Variants in CDH18 observed in about 807,000 individuals in gnomAD.
CDH18 encodes the protein cadherin 18.
Under a neutral mutation model 67.9 loss-of-function variants are expected in CDH18, and 31 were observed. The ratio of observed to expected loss-of-function variants is 0.46; its 90% confidence interval spans 0.34 to 0.62. The LOEUF (loss-of-function observed/expected upper bound fraction) is 0.62. Among genes scored for constraint, CDH18 ranks in the 20% least tolerant of loss-of-function variants. The pLI is 0.01. For synonymous variants in CDH18, 362 were observed against 347.2 expected, an observed-to-expected ratio of 1.04 and a Z score of -0.48; for missense variants, 890 against 975.5, an observed-to-expected ratio of 0.91 and a Z score of 1.17.
At chr5:20,375,731 A>G (rs1443669978) in intron 1 of CDH18, among the ~76,000 whole-genome samples, 1 of 152,064 alleles carries the variant, frequency 6.6e-6, no homozygotes, top group Non-Finnish European at 1.5e-5. Context: ...ATTGTGCTCA[A>G]TTTTTATCTA....
At chr5:20,562,468 T>C (rs1320058932) in intron 1 of CDH18, among the ~76,000 whole-genome samples, 4 of 151,726 alleles carry the variant, frequency 2.6e-5, no homozygotes, top group Non-Finnish European at 4.4e-5. Context: ...ATGATATATA[T>C]AAAGGCATGG....
chr5:20,337,028 G>A (rs1052530413), intron 1 of CDH18, among the ~76,000 whole-genome samples: 24 of 152,152 alleles, frequency 1.6e-4, no homozygotes, highest in Admixed American at 6.5e-4. Flanking sequence ...AAAGCCCATA[G>A]AAGACTTCCT....
chr5:19,625,208 C>T (rs1305060276), intron 5 of CDH18, among the ~76,000 whole-genome samples: 5 of 152,136 alleles, frequency 3.3e-5, no homozygotes, highest in Non-Finnish European at 5.9e-5. Flanking sequence ...TATGCCTATC[C>T]TTCTGAGAGA....
At chr5:19,704,773 C>T (rs1561097126) in intron 5 of CDH18, among the ~76,000 whole-genome samples, 2 of 152,068 alleles carry the variant, frequency 1.3e-5, no homozygotes, top group Non-Finnish European at 1.5e-5. Context: ...ACATTTTCCC[C>T]CTGGAATTCT....
At position 19,631,458 on chromosome 5, in the gene CDH18, AT is replaced by A. The variant is rs1200752160; in HGVS notation, c.644-18858del. On this transcript the variant is annotated intron_variant, in intron 5 of 12. Coordinates refer to ENST00000382275, the MANE Select transcript of CDH18 (RefSeq NM_004934.5). ...TCCTACGTTTAAGAAATATATTTTT[AT>A]TTCTTAATCTTTCTATTAAGGTATC... 2.6e-5 allele frequency among the ~76,000 whole-genome samples: 4 copies of A among 152,148 alleles called. No homozygotes were observed. The East Asian group carries it at 7.7e-4, about 29-fold the overall frequency.
At position 19,612,295 on chromosome 5, in the gene CDH18, A is replaced by C. The variant is rs994197048; in HGVS notation, c.811+139T>G. 7 of 734,414 alleles carry C rather than the reference A, an allele frequency of 9.5e-6. No individual in the cohort carries two copies. The African/African-American group carries it at 1.2e-4, about 13-fold the overall frequency. The allele number at this position is 734,414 out of a possible 1,614,324, so 45.5% of individuals were successfully genotyped here. ...GCTGGAGTGATTTCATGAGTCTTAC[A>C]TGAAGAAGGGTGATCATATAGTACA... On this transcript the variant is annotated intron_variant, in intron 6 of 12. Transcript: ENST00000382275.
At chr5:20,089,355 T>C (rs1312217375) in intron 2 of CDH18, among the ~76,000 whole-genome samples, 2 of 152,156 alleles carry the variant, frequency 1.3e-5, no homozygotes, top group Non-Finnish European at 2.9e-5. Flanking sequence ...ACTATGTGTA[T>C]ATCAAGTGAT....
intron 2 of CDH18, among the ~76,000 whole-genome samples, chr5:20,143,162 G>A (rs1274420647): frequency 6.6e-6 from 1 of 152,064 alleles, no homozygotes; most frequent in African/African-American, 2.4e-5. Context: ...TTTAAAGAAT[G>A]TCTAGTCATG....
chr5:20,568,601 T>A (rs555630599), intron 1 of CDH18, among the ~76,000 whole-genome samples: 3 of 147,216 alleles, frequency 2.0e-5, no homozygotes, highest in African/African-American at 7.9e-5. Flanking sequence ...GAGTGGGCAT[T>A]TCAGAATATA....
In CDH18 at chr5:19,760,682, C is replaced by A. The variant is rs574462931; in HGVS notation, c.229-13446G>T. 2.9e-4 allele frequency among the ~76,000 whole-genome samples: 44 copies of A among 152,298 alleles called. 1 individual carries two copies. In the South Asian group the frequency reaches 8.7e-3, roughly 30 times the overall value. On this transcript the variant is annotated intron_variant, in intron 3 of 12. Coordinates refer to ENST00000382275, the MANE Select transcript of CDH18 (RefSeq NM_004934.5). ...GTTTACATAAATTAGAGAACTCAAA[C>A]AGTTCTTTTCAAGTGTGGTGCATGT...
At chr5:19,694,007 T>C (rs1483483557) in intron 5 of CDH18, among the ~76,000 whole-genome samples, 1 of 152,086 alleles carries the variant, frequency 6.6e-6, no homozygotes, top group Non-Finnish European at 1.5e-5. Context: ...TTCATCTCAG[T>C]GAGACCATTA....
At chr5:20,230,549 T>G (rs1193495638) in intron 2 of CDH18, among the ~76,000 whole-genome samples, 1 of 152,206 alleles carries the variant, frequency 6.6e-6, no homozygotes, top group African/African-American at 2.4e-5. Context: ...ATGACCATCT[T>G]GATAACTCAG....
chr5:20,123,298 C>T (rs115185036), intron 2 of CDH18, among the ~76,000 whole-genome samples: 1,733 of 152,208 alleles, frequency 0.011, 16 homozygotes, highest in Non-Finnish European at 0.016. Flanking sequence ...GACCCATAGC[C>T]GCAGCTACTG....
chr5:19,479,790 G>T (rs563553884), intron 12 of CDH18, among the ~76,000 whole-genome samples: 60 of 152,064 alleles, frequency 3.9e-4, no homozygotes, highest in African/African-American at 1.4e-3. Context: ...TCAGATCACG[G>T]CTCAAATATG....
chr5:19,927,042 C>T (rs752875345), intron 2 of CDH18, among the ~76,000 whole-genome samples: 63 of 152,036 alleles, frequency 4.1e-4, no homozygotes, highest in Non-Finnish European at 3.1e-4. Context: ...TACTGTTGGC[C>T]TTGACAGTGT....
chr5:19,791,315 C>G (rs1776326692), intron 3 of CDH18, among the ~76,000 whole-genome samples: 1 of 149,192 alleles, frequency 6.7e-6, no homozygotes. Context: ...GATGTGTGGG[C>G]TCCTAGGAAA....
rs936317465 is a variant in CDH18 at position 20,094,917 on chromosome 5, C to T, written c.-517-102903G>A. Among the ~76,000 whole-genome samples, 8 of 152,064 alleles carry T rather than the reference C, an allele frequency of 5.3e-5. No individual in the cohort carries two copies. In the East Asian group the frequency reaches 1.5e-3, roughly 29 times the overall value. ...ACTTGGAACCAACCAAAATGCCCATCAATGATAAACTGGATAAAGAAAATG... is the reference window on the plus strand; with the variant it reads ...ACTTGGAACCAACCAAAATGCCCATTAATGATAAACTGGATAAAGAAAATG... On this transcript the variant is annotated intron_variant, in intron 2 of 14. Transcript: ENST00000507958.
chr5:20,040,259 A>G (rs1462075207), intron 2 of CDH18, among the ~76,000 whole-genome samples: 1 of 152,154 alleles, frequency 6.6e-6, no homozygotes, highest in Non-Finnish European at 1.5e-5. Context: ...CATTCTGCAT[A>G]TGTATCCCAG....
intron 1 of CDH18, among the ~76,000 whole-genome samples, chr5:20,319,982 T>C (rs1737847670): frequency 6.6e-6 from 1 of 152,178 alleles, no homozygotes; most frequent in African/African-American, 2.4e-5. Context: ...GCATGAATTT[T>C]ATATTCTCTC....
Sources: gnomAD v4.1 joint callset for allele counts (sites outside exome capture counted in the v4.1 genomes callset) on GRCh38, gnomAD v4.1.1 for gene constraint, MANE v1.5 for transcripts, NCBI Gene and HGNC (gene_info 2026-07-23, HGNC 2026-07-21) for gene names.